The following CCM2L variants were observed in gnomAD, a reference collection of about 807,000 sequenced individuals.
The protein encoded by CCM2L is cerebral cavernous malformations 2 protein-like.
Under a neutral mutation model 54.1 loss-of-function variants are expected in CCM2L, and 36 were observed. That is an observed-to-expected ratio of 0.67 (90% CI 0.51 to 0.88). CCM2L has a LOEUF of 0.88. Among genes scored for constraint, CCM2L ranks in the 40% least tolerant of loss-of-function variants. The pLI is 0.00. For missense variants in CCM2L, 700 were observed against 812.1 expected, an observed-to-expected ratio of 0.86 and a Z score of 1.68; for synonymous variants, 351 against 359.3, an observed-to-expected ratio of 0.98 and a Z score of 0.26.
chr20:32,023,238 G>A (rs1006734516), intron 6 of CCM2L, among the ~76,000 whole-genome samples: 3 of 152,148 alleles, frequency 2.0e-5, no homozygotes, highest in East Asian at 1.9e-4. Flanking sequence ...CCAAAGTGCC[G>A]GGATTACAGG....
Position 32,015,054 on chromosome 20 carries a change from C to A in CCM2L, c.181C>A (p.Leu61Met). ...IDPQILLCDY[L>M]EKEVKFLGHL... The stretch of plus-strand genomic sequence containing the variant: ...CCCCCAGATTCTGCTGTGTGACTAC[C>A]TGGAGAAAGAGGTCAAGGTGCGTGC... Residue 61 changes from leucine (L) to methionine (M), a missense_variant, in exon 2 of 10, where the codon CTG becomes ATG. Leu to Met is a conservative substitution (Grantham distance 15, BLOSUM62 2). Coordinates refer to ENST00000452892, the MANE Select transcript of CCM2L (RefSeq NM_001365692.1). 1 of 1,524,228 alleles carries A rather than the reference C, an allele frequency of 6.6e-7. No homozygotes were observed. The highest frequency in any genetic ancestry group is 1.4e-5 in the African/African-American group (1 of 70,066). 94.4% of individuals were successfully genotyped at this position (1,524,228 alleles called of 1,614,324 possible).
chr20:32,013,473 ACT>A (rs1389999606), intron 1 of CCM2L, among the ~76,000 whole-genome samples: 1 of 151,722 alleles, frequency 6.6e-6, no homozygotes, highest in East Asian at 1.9e-4. Context: ...ACAAGGTCTT[ACT>A]CTGTCACCCA....
intron 5 of CCM2L, among the ~76,000 whole-genome samples, chr20:32,020,670 C>G (rs903425508): frequency 1.3e-5 from 2 of 152,194 alleles, no homozygotes; most frequent in Non-Finnish European, 2.9e-5. Context: ...ACACACACCC[C>G]ATATCCACTC....
At chr20:32,025,053 CTTCTTCTTTCTTTCT>C (rs943423110) in intron 6 of CCM2L, among the ~76,000 whole-genome samples, 2 of 148,700 alleles carry the variant, frequency 1.3e-5, no homozygotes, top group African/African-American at 5.1e-5. Flanking sequence ...TCCTCTCTTT[CTTCTTCTTTCTTTCT>C]TTCTTTCTTT....
At chr20:32,021,739 A>C (rs889922230) in intron 5 of CCM2L, among the ~76,000 whole-genome samples, 1 of 152,156 alleles carries the variant, frequency 6.6e-6, no homozygotes, top group Non-Finnish European at 1.5e-5. Context: ...TAGAGTAAAA[A>C]ACAACCTGGG....
intron 5 of CCM2L, among the ~76,000 whole-genome samples, chr20:32,021,282 C>T (rs2064804782): frequency 6.6e-6 from 1 of 152,222 alleles, no homozygotes; most frequent in African/African-American, 2.4e-5. Flanking sequence ...AAATAGGATT[C>T]CAGACAAAGC....
intron 1 of CCM2L, among the ~76,000 whole-genome samples, chr20:32,011,637 T>C (rs148867314): frequency 1.8e-3 from 280 of 151,942 alleles, no homozygotes; most frequent in African/African-American, 6.4e-3. Flanking sequence ...TTAAAAATCA[T>C]AGGAGGTCCC....
chr20:32,029,658 G>A (rs770426378), intron 8 of CCM2L, 42 bp from the exon 9 acceptor site: 16 of 1,562,330 alleles, frequency 1.0e-5, no homozygotes, highest in South Asian at 3.6e-5. Flanking sequence ...GTTGGGTGGC[G>A]CTGCTTCCTG....
Position 32,024,059 on chromosome 20 carries a change from A to C in CCM2L, c.1069+1264A>C, listed in dbSNP as rs1318271039. Among the ~76,000 whole-genome samples, 3 of 152,180 alleles carry C rather than the reference A, an allele frequency of 2.0e-5. No homozygotes were observed. In the East Asian group the frequency reaches 5.8e-4, roughly 29 times the overall value. On this transcript the variant is annotated intron_variant, in intron 6 of 9. Transcript: ENST00000452892. ...CGATTCCAGTTTTACAGATGAGGAC[A>C]TTAAGGCTCAGATTAGTCAATAAAT...
At chr20:32,019,760 A>T (rs75779232) in intron 5 of CCM2L, among the ~76,000 whole-genome samples, 2,510 of 152,262 alleles carry the variant, frequency 0.016, 73 homozygotes, top group African/African-American at 0.057. Flanking sequence ...GGGCTGCATC[A>T]ACTCATTTAA....
rs201447155 is a variant in CCM2L at position 32,015,060 on chromosome 20, A to G, written c.187A>G (p.Lys63Glu). 87 of 1,520,780 alleles carry G rather than the reference A, an allele frequency of 5.7e-5. No homozygotes were observed. Among genetic ancestry groups the G allele is most frequent in the Non-Finnish European group, 7.5e-5 (85 of 1,137,216 alleles). 94.2% of individuals were successfully genotyped at this position (1,520,780 alleles called of 1,614,324 possible). ...PQILLCDYLE[K>E]EVKFLGHLTW... The stretch of plus-strand genomic sequence containing the variant: ...GATTCTGCTGTGTGACTACCTGGAG[A>G]AAGAGGTCAAGGTGCGTGCAGGATG... The change falls in exon 2 of 10, where the codon AAA becomes GAA. Residue 63 changes from lysine (K) to glutamate (E), a missense_variant. Physicochemically the swap from Lys to Glu is moderately conservative, Grantham distance 56. Coordinates refer to ENST00000452892, the MANE Select transcript of CCM2L (RefSeq NM_001365692.1).
chr20:32,017,037 A>T (rs969608433), intron 2 of CCM2L, among the ~76,000 whole-genome samples: 7 of 151,994 alleles, frequency 4.6e-5, no homozygotes, highest in African/African-American at 1.7e-4. Context: ...AATCCCAGCT[A>T]CTCAGGAGGC....
intron 1 of CCM2L, among the ~76,000 whole-genome samples, chr20:32,012,132 A>G (rs778957581): frequency 3.3e-5 from 5 of 151,802 alleles, no homozygotes; most frequent in Non-Finnish European, 7.4e-5. Context: ...TACATACCCC[A>G]TCCTGGCTCC....
chr20:32,029,879 T>A, intron 9 of CCM2L, 41 bp downstream of exon 9: 2 of 1,538,250 alleles, frequency 1.3e-6, no homozygotes, highest in Non-Finnish European at 1.8e-6. Flanking sequence ...CTAGGGCCCC[T>A]GCTTGGTCCA....
chr20:32,018,120 T>C lies in CCM2L; in HGVS notation c.424T>C (p.Tyr142His), dbSNP rs759347549. ...TACGCACGAGATCGCCGCCGCCTCC[T>C]ACCTGCAGGACGACGCGCTGCACCT... Reference protein sequence around the residue: ...IPTHEIAAASYLQDDALHLLV... With the variant: ...IPTHEIAAASHLQDDALHLLV... Residue 142 changes from tyrosine to histidine, a missense_variant, in exon 4 of 10, where the codon TAC (tyrosine) becomes CAC (histidine). Physicochemically the swap from Tyr to His is moderately conservative, Grantham distance 83. Coordinates refer to ENST00000452892, the MANE Select transcript of CCM2L (RefSeq NM_001365692.1). The C allele has an allele frequency of 4.4e-6, 7 of 1,606,586 alleles. No individual in the cohort carries two copies. The highest frequency in any genetic ancestry group is 5.9e-6 in the Non-Finnish European group (7 of 1,177,754).
intron 5 of CCM2L, 142 bp downstream of exon 5, chr20:32,019,551 A>G: frequency 1.8e-6 from 1 of 541,914 alleles, no homozygotes; most frequent in South Asian, 2.9e-5. Flanking sequence ...AATGGCTCCT[A>G]AACTCCGGAC....
chr20:32,020,738 C>A (rs1401526202), intron 5 of CCM2L, among the ~76,000 whole-genome samples: 1 of 152,204 alleles, frequency 6.6e-6, no homozygotes, highest in Non-Finnish European at 1.5e-5. Flanking sequence ...GTAATCCCAG[C>A]ACTTTGGGAG....
chr20:32,028,766 G>A (rs758639505), intron 7 of CCM2L: 1 of 558,380 alleles, frequency 1.8e-6, no homozygotes, highest in Non-Finnish European at 3.2e-6. Flanking sequence ...ACCCAGAGGT[G>A]AGGAGATAGT....
intron 1 of CCM2L, 147 bp downstream of exon 1, chr20:32,010,631 G>A (rs973880166): frequency 7.8e-6 from 6 of 768,272 alleles, no homozygotes; most frequent in African/African-American, 1.7e-5. Context: ...TCCCACTCTT[G>A]GACAGCCAGA....
Sources: gnomAD v4.1 joint callset for allele counts (sites outside exome capture counted in the v4.1 genomes callset) on GRCh38, gnomAD v4.1.1 for gene constraint, MANE v1.5 for transcripts, NCBI Gene and HGNC (gene_info 2026-07-23, HGNC 2026-07-21) for gene names.